Variants in DNAH14 observed in about 807,000 individuals in gnomAD.
DNAH14 encodes the protein dynein axonemal heavy chain 14, also known as axonemal beta dynein heavy chain 14.
A neutral mutation model predicts 520.9 loss-of-function variants in DNAH14; 478 were observed. The ratio of observed to expected loss-of-function variants is 0.92; its 90% CI spans 0.85 to 0.99. The LOEUF is 0.99. DNAH14 is among the 50% of genes least tolerant of loss of function. DNAH14 has a pLI of 0.00. For missense variants in DNAH14, 4,831 were observed against 5,234.5 expected, an observed-to-expected ratio of 0.92 and a Z score of 2.38; for synonymous variants, 1,581 against 1,757.2, an observed-to-expected ratio of 0.90 and a Z score of 2.51.
Position 225,322,737 on chromosome 1 carries a change from A to C in DNAH14, c.9409A>C (p.Asn3137His), listed in dbSNP as rs746123252. 6.2e-5 allele frequency: 96 copies of C among 1,551,528 alleles called. 1 individual carries two copies. Among genetic ancestry groups the C allele is most frequent in the Non-Finnish European group, 7.1e-5 (82 of 1,146,946 alleles). ...GTGTATTCTTCTGCAAAAGAAACCT[A>C]ACTGGGCAACGGCAAAGTTACTTCT... ...AVCILLQKKP[N>H]WATAKLLLSE... The change falls in exon 62 of 86, where the codon AAC (asparagine) becomes CAC (histidine). Residue 3137 changes from asparagine to histidine, a missense_variant. Asn to His is a moderately conservative substitution (Grantham distance 68). Coordinates refer to ENST00000682510, the MANE Select transcript of DNAH14 (RefSeq NM_001367479.1).
chr1:225,374,124 T>C (rs1335125129), intron 77 of DNAH14, among the ~76,000 whole-genome samples: 1 of 122,432 alleles, frequency 8.2e-6, no homozygotes, highest in Non-Finnish European at 1.7e-5. Context: ...AAAAGGTGTA[T>C]GTCCCAATAT....
intron 41 of DNAH14, among the ~76,000 whole-genome samples, chr1:225,221,361 T>C (rs1451830538): frequency 1.3e-5 from 2 of 151,960 alleles, no homozygotes; most frequent in Non-Finnish European, 2.9e-5. Flanking sequence ...ATCATCAGAG[T>C]CAACAGGCAA....
intron 41 of DNAH14, among the ~76,000 whole-genome samples, chr1:225,219,741 T>C (rs186310192): frequency 1.8e-4 from 27 of 152,256 alleles, no homozygotes; most frequent in African/African-American, 6.3e-4. Context: ...AAAGAGGAGC[T>C]AGAACCATTT....
intron 17 of DNAH14, among the ~76,000 whole-genome samples, chr1:225,067,126 C>T (rs1053405400): frequency 6.6e-6 from 1 of 152,162 alleles, no homozygotes; most frequent in Non-Finnish European, 1.5e-5. Flanking sequence ...CCACTCTCCA[C>T]CCTCCAGTAG....
At chr1:225,349,639 T>A (rs1320625495) in intron 71 of DNAH14, among the ~76,000 whole-genome samples, 1 of 150,600 alleles carries the variant, frequency 6.6e-6, no homozygotes, top group African/African-American at 2.4e-5. Context: ...CCAAAGAGAG[T>A]AGGAGTGGTT....
At chr1:225,363,062 A>G (rs929177129) in intron 75 of DNAH14, among the ~76,000 whole-genome samples, 5 of 152,122 alleles carry the variant, frequency 3.3e-5, no homozygotes, top group African/African-American at 1.2e-4. Context: ...ATTTTTTAAA[A>G]ATAATTTCAC....
At chr1:224,996,547 A>C (rs2063405299) in intron 8 of DNAH14, among the ~76,000 whole-genome samples, 2 of 152,120 alleles carry the variant, frequency 1.3e-5, no homozygotes, top group Admixed American at 1.3e-4. Context: ...GGTCAGGCAG[A>C]ACTTGCTTTT....
chr1:225,163,646 T>G (rs1559146085), intron 35 of DNAH14, among the ~76,000 whole-genome samples: 1 of 152,246 alleles, frequency 6.6e-6, no homozygotes, highest in Non-Finnish European at 1.5e-5. Flanking sequence ...TTTGACGTCA[T>G]GTATCCCATT....
At chr1:224,960,688 A>G (rs1007362102) in intron 4 of DNAH14, among the ~76,000 whole-genome samples, 1 of 152,014 alleles carries the variant, frequency 6.6e-6, no homozygotes, top group African/African-American at 2.4e-5. Flanking sequence ...ATTTAAATAG[A>G]TTTTCTTCCA....
chr1:225,308,430 A>G lies in DNAH14; in HGVS notation c.9240+20A>G. 2 of 1,503,324 alleles carry G rather than the reference A, an allele frequency of 1.3e-6. No individual in the cohort carries two copies. Among genetic ancestry groups the G allele is most frequent in the Non-Finnish European group, 1.8e-6 (2 of 1,131,310 alleles). 93.1% of individuals were successfully genotyped at this position (1,503,324 alleles called of 1,614,324 possible). ...GCTCAGGTAAAATTAAAATATTGTC[A>G]ATAAAAATAATTTGGAGATTTGAAA... is the stretch of plus-strand genomic sequence containing the variant. On this transcript the variant is annotated intron_variant, in intron 60 of 85. Transcript: ENST00000682510.
intron 54 of DNAH14, among the ~76,000 whole-genome samples, chr1:225,279,052 A>G (rs1373221748): frequency 6.6e-6 from 1 of 152,180 alleles, no homozygotes; most frequent in East Asian, 1.9e-4. Context: ...GCTAGAGTGC[A>G]GTGGCACAAT....
intron 35 of DNAH14, among the ~76,000 whole-genome samples, chr1:225,163,341 C>T (rs557960663): frequency 6.6e-6 from 1 of 152,158 alleles, no homozygotes; most frequent in African/African-American, 2.4e-5. Context: ...AGTTTGGATG[C>T]CCTTTATTTC....
intron 77 of DNAH14, among the ~76,000 whole-genome samples, chr1:225,371,680 A>C (rs2095620634): frequency 1.3e-5 from 2 of 152,178 alleles, no homozygotes; most frequent in Non-Finnish European, 2.9e-5. Flanking sequence ...GATACTAGTA[A>C]AACAAAATCT....
intron 68 of DNAH14, 180 bp downstream of exon 68, chr1:225,338,362 C>A: frequency 1.3e-6 from 1 of 790,850 alleles, no homozygotes; most frequent in Non-Finnish European, 2.1e-6. Context: ...AAGAGATAAC[C>A]GATTTTTATC....
At chr1:225,019,553 A>T (rs1444949301) in intron 10 of DNAH14, among the ~76,000 whole-genome samples, 1 of 152,166 alleles carries the variant, frequency 6.6e-6, no homozygotes, top group Non-Finnish European at 1.5e-5. Flanking sequence ...CTTAAACTTG[A>T]TACTTGACCA....
At chr1:225,010,512 G>A (rs910420631) in intron 10 of DNAH14, among the ~76,000 whole-genome samples, 1 of 152,034 alleles carries the variant, frequency 6.6e-6, no homozygotes, top group South Asian at 2.1e-4. Flanking sequence ...TTTTATTGAG[G>A]ATTTTTGCAT....
intron 81 of DNAH14, among the ~76,000 whole-genome samples, chr1:225,384,922 C>CA (rs1358858221): frequency 2.0e-5 from 3 of 152,054 alleles, no homozygotes; most frequent in East Asian, 3.9e-4. Flanking sequence ...AGAGACACAA[C>CA]AAAAAAAGAG....
intron 7 of DNAH14, among the ~76,000 whole-genome samples, chr1:224,971,603 G>A (rs766701667): frequency 3.3e-5 from 5 of 152,182 alleles, no homozygotes; most frequent in Admixed American, 6.5e-5. Flanking sequence ...AACTAGAGAC[G>A]TCTGTGTGCA....
At position 224,930,048 on chromosome 1, in the gene DNAH14, C is replaced by T. The variant is rs147586265; in HGVS notation, c.-34+213C>T. Among the ~76,000 whole-genome samples, 392 of 152,304 alleles carry T rather than the reference C, an allele frequency of 2.6e-3. 4 individuals carry two copies. The highest frequency in any genetic ancestry group is 0.022 in the East Asian group (114 of 5,176). ...CCACCAGGCGCCGGCGCCGCCACGC[C>T]GGTAGCCCCGACCGCAGGAGCTCTC... is the stretch of plus-strand genomic sequence containing the variant. On this transcript the variant is annotated intron_variant, in intron 1 of 85. Transcript: ENST00000682510.
Sources: gnomAD v4.1 joint callset for allele counts (sites outside exome capture counted in the v4.1 genomes callset) on GRCh38, gnomAD v4.1.1 for gene constraint, MANE v1.5 for transcripts, NCBI Gene and HGNC (gene_info 2026-07-23, HGNC 2026-07-21) for gene names.